The following NRCAM variants were observed in gnomAD, a reference collection of about 807,000 sequenced individuals.
NRCAM encodes neuronal cell adhesion molecule.
In NRCAM, 83 loss-of-function variants were observed where a neutral mutation model predicts 156.5. The ratio of observed to expected loss-of-function variants is 0.53; its 90% CI spans 0.44 to 0.64. The LOEUF is 0.64. Ranked by LOEUF, NRCAM falls within the 30% of genes least tolerant of loss-of-function variation. The probability of loss-of-function intolerance (pLI) is 0.00; values close to 1 mark genes in which losing one functional copy is unlikely to be tolerated. For synonymous variants in NRCAM, 538 were observed against 563.9 expected, an observed-to-expected ratio of 0.95 and a Z score of 0.65; for missense variants, 1,417 against 1,597.3, an observed-to-expected ratio of 0.89 and a Z score of 1.92.
intron 4 of NRCAM, among the ~76,000 whole-genome samples, chr7:108,239,470 G>A (rs2095383180): frequency 1.3e-5 from 2 of 152,140 alleles, no homozygotes; most frequent in Non-Finnish European, 2.9e-5. Flanking sequence ...TTCTGGGGTG[G>A]TTTAGGGATT....
At chr7:108,199,673 A>G (rs1165495686) in intron 13 of NRCAM, among the ~76,000 whole-genome samples, 2 of 152,208 alleles carry the variant, frequency 1.3e-5, no homozygotes, top group East Asian at 3.9e-4. Context: ...AAAGCCGGAA[A>G]AGGCACTCTG....
At position 108,173,232 on chromosome 7, in the gene NRCAM, C is replaced by T. The variant is rs538665994; in HGVS notation, c.3187+2090G>A. ...AACTCCTGACCTCACGTGATCTGCCCGCCTCAGCCTCCCAAACTGTTGGGA... is the reference window on the plus strand; with the variant it reads ...AACTCCTGACCTCACGTGATCTGCCTGCCTCAGCCTCCCAAACTGTTGGGA... On this transcript the variant is annotated intron_variant, in intron 28 of 32. Transcript: ENST00000379028. 1.3e-4 allele frequency among the ~76,000 whole-genome samples: 20 copies of T among 152,018 alleles called. No homozygotes were observed. In the South Asian group the frequency reaches 2.3e-3, roughly 17 times the overall value.
chr7:108,312,117 C>T (rs962890478), intron 3 of NRCAM, among the ~76,000 whole-genome samples: 4 of 151,942 alleles, frequency 2.6e-5, no homozygotes, highest in South Asian at 2.1e-4. Context: ...GGGCGGACAG[C>T]GGGGTAGGAA....
Position 108,434,503 on chromosome 7 carries a change from G to C in NRCAM, c.-332+21740C>G, listed in dbSNP as rs1829739017. On this transcript the variant is annotated intron_variant, in intron 1 of 32. Coordinates refer to ENST00000379028, the MANE Select transcript of NRCAM (RefSeq NM_001037132.4). ...CACAAATGTGTAGAAGAGACCTCAG[G>C]GGCCTAAGCCACCTACATACCCATG... Among the ~76,000 whole-genome samples, 3 of 150,620 alleles carry C rather than the reference G, an allele frequency of 2.0e-5. No homozygotes were observed. In the South Asian group the frequency reaches 6.3e-4, roughly 32 times the overall value.
intron 1 of NRCAM, among the ~76,000 whole-genome samples, chr7:108,412,725 A>T (rs1375003417): frequency 6.6e-6 from 1 of 152,126 alleles, no homozygotes; most frequent in Non-Finnish European, 1.5e-5. Flanking sequence ...AGCCCCTGGT[A>T]ACCACCATTC....
At position 108,240,133 on chromosome 7, in the gene NRCAM, CGTT is replaced by C. The variant is rs2095429734; in HGVS notation, c.-72_-70del. 4.6e-6 allele frequency: 5 copies of C among 1,077,150 alleles called. No homozygotes were observed. Among genetic ancestry groups the C allele is most frequent in the Non-Finnish European group, 2.8e-6 (2 of 705,968 alleles). 66.7% of individuals were successfully genotyped at this position (1,077,150 alleles called of 1,614,324 possible). A position where few individuals can be genotyped will look rare whatever the true frequency, so the allele number is the denominator to read the frequency against. On this transcript the variant is annotated 5_prime_UTR_variant, in exon 4 of 33. Coordinates refer to ENST00000379028, the MANE Select transcript of NRCAM (RefSeq NM_001037132.4). ...TTCTTTCACAAAAGATTTTGTGAAA[CGTT>C]GTGTGCAACGTTTAAGTAATTTTCA... is the stretch of plus-strand genomic sequence containing the variant.
At chr7:108,165,750 A>G (rs755421582) in intron 30 of NRCAM, among the ~76,000 whole-genome samples, 10 of 152,234 alleles carry the variant, frequency 6.6e-5, no homozygotes, top group Non-Finnish European at 1.3e-4. Context: ...AAAACCACTT[A>G]TGATTTATAT....
chr7:108,230,969 A>G lies in NRCAM; in HGVS notation c.550+62T>C, dbSNP rs2094254295. The stretch of plus-strand genomic sequence containing the variant: ...TATGAATCATAAGAGGTAATAATGT[A>G]TTATGACTGTAAACAATCCTAAGAC... On this transcript the variant is annotated intron_variant, in intron 8 of 32. Coordinates refer to ENST00000379028, the MANE Select transcript of NRCAM (RefSeq NM_001037132.4). The G allele has an allele frequency of 3.1e-6, 4 of 1,310,882 alleles. No homozygotes were observed. In the South Asian group the frequency reaches 5.0e-5, roughly 16 times the overall value. The allele number at this position is 1,310,882 out of a possible 1,614,324, so 81.2% of individuals were successfully genotyped here.
intron 2 of NRCAM, among the ~76,000 whole-genome samples, chr7:108,377,464 T>C (rs1020451090): frequency 2.6e-5 from 4 of 152,106 alleles, no homozygotes; most frequent in Admixed American, 2.6e-4. Context: ...TTATTGAGAG[T>C]GGATTGTACC....
intron 32 of NRCAM, among the ~76,000 whole-genome samples, chr7:108,154,865 C>T (rs1342248611): frequency 6.6e-6 from 1 of 151,920 alleles, no homozygotes; most frequent in Non-Finnish European, 1.5e-5. Flanking sequence ...ATACCTTGTG[C>T]AACACACACG....
intron 1 of NRCAM, among the ~76,000 whole-genome samples, chr7:108,409,719 G>A (rs1792968831): frequency 6.6e-6 from 1 of 152,074 alleles, no homozygotes; most frequent in Admixed American, 6.6e-5. Context: ...CCTTATTTTA[G>A]TAGTGAAAAA....
intron 1 of NRCAM, among the ~76,000 whole-genome samples, chr7:108,431,779 T>C (rs1825567698): frequency 6.6e-6 from 1 of 152,212 alleles, no homozygotes; most frequent in African/African-American, 2.4e-5. Context: ...AGCGAGATGC[T>C]GTCTCAAACA....
At chr7:108,202,009 A>T (rs988459142) in intron 13 of NRCAM, among the ~76,000 whole-genome samples, 1 of 152,154 alleles carries the variant, frequency 6.6e-6, no homozygotes, top group African/African-American at 2.4e-5. Flanking sequence ...ACTAATGTAG[A>T]GACATTTGGA....
chr7:108,204,058 C>T (rs1448623035), intron 13 of NRCAM, among the ~76,000 whole-genome samples: 1 of 152,168 alleles, frequency 6.6e-6, no homozygotes, highest in Non-Finnish European at 1.5e-5. Flanking sequence ...GTGCACAAGT[C>T]AGCAAACTCC....
At chr7:108,177,679 ATACG>A (rs2061384426) in intron 26 of NRCAM, among the ~76,000 whole-genome samples, 1 of 19,348 alleles carries the variant, frequency 5.2e-5, no homozygotes, top group African/African-American at 8.3e-5. Context: ...GTGTATATAT[ATACG>A]TGTATATATA....
chr7:108,361,717 C>T (rs893775427), intron 2 of NRCAM, among the ~76,000 whole-genome samples: 3 of 152,150 alleles, frequency 2.0e-5, no homozygotes, highest in Admixed American at 1.3e-4. Flanking sequence ...CCTGCAGATC[C>T]TGGGAGCCAG....
intron 2 of NRCAM, among the ~76,000 whole-genome samples, chr7:108,385,585 T>C (rs1486645677): frequency 6.6e-6 from 1 of 152,138 alleles, no homozygotes; most frequent in East Asian, 1.9e-4. Context: ...CTATATTTAA[T>C]ACCCAGAAAT....
intron 1 of NRCAM, among the ~76,000 whole-genome samples, chr7:108,416,597 A>T (rs1052839226): frequency 6.8e-6 from 1 of 146,646 alleles, no homozygotes; most frequent in African/African-American, 2.5e-5. Flanking sequence ...AAAAAAAAAA[A>T]GTCTTCCTTA....
Position 108,163,798 on chromosome 7 carries a change from C to T in NRCAM, c.3466+3123G>A, listed in dbSNP as rs185261765. ...GGGTGGCGGTAATGAGAGGTCATAC[C>T]GGGTGGGGTGGCGGTAATGAGAGGT... On this transcript the variant is annotated intron_variant, in intron 30 of 32. Coordinates refer to ENST00000379028, the MANE Select transcript of NRCAM (RefSeq NM_001037132.4). 2.4e-3 allele frequency among the ~76,000 whole-genome samples: 306 copies of T among 125,774 alleles called. 3 individuals are homozygous for T. Among genetic ancestry groups the T allele is most frequent in the African/African-American group, 9.3e-3 (286 of 30,782 alleles). 82.5% of individuals were successfully genotyped at this position (125,774 alleles called of 152,430 possible). A position where few individuals can be genotyped will look rare whatever the true frequency, so the allele number is the denominator to read the frequency against.
Sources: allele counts gnomAD v4.1 joint callset (sites outside exome capture counted in the v4.1 genomes callset), GRCh38; gene constraint gnomAD v4.1.1; transcripts MANE v1.5; gene names NCBI Gene and HGNC (gene_info 2026-07-23, HGNC 2026-07-21).